DSG4: variants seen among roughly 807,000 people sequenced by gnomAD.
DSG4 encodes the protein desmoglein 4, also known as desmoglein-4.
DSG4 carries 87 observed loss-of-function variants against 93.1 expected under a neutral mutation model. The observed-to-expected ratio is 0.93, with a 90% CI of 0.79 to 1.12. DSG4 has a LOEUF of 1.12. Among genes scored for constraint, DSG4 ranks in the 50% most tolerant of loss-of-function variants. DSG4 has a pLI of 0.00. For missense variants in DSG4, 1,373 were observed against 1,285.7 expected, an observed-to-expected ratio of 1.07 and a Z score of -1.04; for synonymous variants, 432 against 452.9, an observed-to-expected ratio of 0.95 and a Z score of 0.59.
At chr18:31,396,129 G>GTA (rs745869468) in intron 8 of DSG4, among the ~76,000 whole-genome samples, 37 of 151,076 alleles carry the variant, frequency 2.4e-4, no homozygotes, top group Admixed American at 9.2e-4. Flanking sequence ...AAGTGTGTGT[G>GTA]TATATATATA....
In DSG4 at chr18:31,392,280, G is replaced by T; in HGVS notation, c.945G>T (p.Gly315=). Residue 315 remains glycine (G), a synonymous_variant, in exon 8 of 16, where the codon GGG becomes GGT. Transcript: ENST00000308128. The stretch of plus-strand genomic sequence containing the variant: ...ATTTAATTCTCTCTGGAAATGATGG[G>T]AATTGGTTCGATATTCAAACAGATC... ...AQYLILSGND[G]NWFDIQTDPQ... is the part of the protein sequence containing the mutation. The T allele has an allele frequency of 6.2e-7, 1 of 1,613,710 alleles. No individual in the cohort carries two copies. Among genetic ancestry groups the T allele is most frequent in the Non-Finnish European group, 8.5e-7 (1 of 1,179,832 alleles).
At chr18:31,409,427 T>C (rs1228791498) in intron 12 of DSG4, 25 bp from the exon 13 acceptor site, 2 of 1,613,846 alleles carry the variant, frequency 1.2e-6, no homozygotes, top group Admixed American at 1.7e-5. Flanking sequence ...GTGTGTTAAC[T>C]CGACATTGTC....
At chr18:31,385,869 A>C (rs2072181408) in intron 2 of DSG4, among the ~76,000 whole-genome samples, 1 of 152,090 alleles carries the variant, frequency 6.6e-6, no homozygotes, top group Non-Finnish European at 1.5e-5. Flanking sequence ...AGCCTAAGTA[A>C]ACTTATAATC....
chr18:31,411,378 C>A lies in DSG4; in HGVS notation c.2285C>A (p.Thr762Asn). The A allele has an allele frequency of 4.3e-6, 7 of 1,614,090 alleles. No individual in the cohort carries two copies. Among genetic ancestry groups the A allele is most frequent in the Admixed American group, 1.7e-5 (1 of 60,008 alleles). The stretch of plus-strand genomic sequence containing the variant: ...GGGGCCGCAAGGAAGAGGAGCTCTA[C>A]CATGGGAACCCTGCGGGACTACGCT... ...ASGAARKRSS[T>N]MGTLRDYADA... is the part of the protein sequence containing the mutation. The change falls in exon 15 of 16, where the codon ACC (threonine) becomes AAC (asparagine). Residue 762 changes from threonine (T) to asparagine (N), a missense_variant. Transcript: ENST00000308128.
rs2144224653 is a variant in DSG4 at position 31,413,399 on chromosome 18, A to G, written c.2927A>G (p.Asp976Gly). The G allele has an allele frequency of 6.2e-7, 1 of 1,613,972 alleles. No individual in the cohort carries two copies. Among genetic ancestry groups the G allele is most frequent in the African/African-American group, 1.3e-5 (1 of 74,944 alleles). Residue 976 changes from aspartate (D) to glycine (G), a missense_variant, in exon 16 of 16, where the codon GAC (aspartate) becomes GGC (glycine). Asp to Gly is a moderately conservative substitution (Grantham distance 94). Transcript: ENST00000308128. ...ERVLASPGVPDMSNSSTTEGC... is the reference protein window; with the variant it reads ...ERVLASPGVPGMSNSSTTEGC... The stretch of plus-strand genomic sequence containing the variant: ...GTACTGGCTAGTCCTGGTGTGCCTG[A>G]CATGAGCAATAGTAGCACGACTGAG...
At chr18:31,408,057 T>C (rs1053024169) in intron 12 of DSG4, among the ~76,000 whole-genome samples, 1 of 152,170 alleles carries the variant, frequency 6.6e-6, no homozygotes, top group Non-Finnish European at 1.5e-5. Context: ...GTTCAACTGA[T>C]GGATTGTAGA....
intron 12 of DSG4, among the ~76,000 whole-genome samples, chr18:31,406,646 G>T (rs1246213147): frequency 6.6e-6 from 1 of 152,112 alleles, no homozygotes; most frequent in Non-Finnish European, 1.5e-5. Context: ...ATCCCATCAT[G>T]GAAATTTCCT....
intron 8 of DSG4, among the ~76,000 whole-genome samples, chr18:31,396,965 G>A (rs1250129427): frequency 6.6e-6 from 1 of 152,114 alleles, no homozygotes; most frequent in Non-Finnish European, 1.5e-5. Context: ...CCTGGAAACA[G>A]AACATACACA....
In DSG4 at chr18:31,406,066, T is replaced by C. The variant is rs759092317; in HGVS notation, c.1637-11T>C. 2.5e-5 allele frequency: 40 copies of C among 1,613,814 alleles called. No homozygotes were observed. Among genetic ancestry groups the C allele is most frequent in the Non-Finnish European group, 3.4e-5 (40 of 1,180,024 alleles). ...TTCCATTTATTTTCTGTTTCCTCTC[T>C]TCCATTTCAGCTACCTCGGCAATCC... On this transcript the variant is annotated splice_polypyrimidine_tract_variant and intron_variant, in intron 11 of 15. Transcript: ENST00000308128.
intron 14 of DSG4, among the ~76,000 whole-genome samples, chr18:31,410,543 C>T (rs984856779): frequency 6.6e-6 from 1 of 151,788 alleles, no homozygotes; most frequent in Non-Finnish European, 1.5e-5. Flanking sequence ...AAAGAAAAGG[C>T]AGTAAATGTA....
chr18:31,391,844 A>G (rs1349151051), intron 7 of DSG4, among the ~76,000 whole-genome samples: 2 of 152,118 alleles, frequency 1.3e-5, no homozygotes, highest in Non-Finnish European at 2.9e-5. Flanking sequence ...ACAGAAAAAA[A>G]TCTGGTCCTC....
At chr18:31,405,930 T>TA (rs1008236177) in intron 11 of DSG4, 147 bp from the exon 12 acceptor site, 197 of 616,560 alleles carry the variant, frequency 3.2e-4, no homozygotes, top group Middle Eastern at 1.4e-3. Context: ...AAATAAATGT[T>TA]AAAAAAAAGT....
intron 1 of DSG4, among the ~76,000 whole-genome samples, chr18:31,383,380 A>G (rs1257487981): frequency 6.6e-6 from 1 of 152,190 alleles, no homozygotes; most frequent in African/African-American, 2.4e-5. Flanking sequence ...TACACTTGAT[A>G]TCGGCTTAAT....
At chr18:31,384,840 T>A (rs1048137332) in intron 1 of DSG4, among the ~76,000 whole-genome samples, 2 of 152,136 alleles carry the variant, frequency 1.3e-5, no homozygotes, top group Non-Finnish European at 2.9e-5. Context: ...CCTACTCTCC[T>A]AGGAAGTCCT....
rs201719326 is a variant in DSG4 at position 31,399,384 on chromosome 18, G to A, written c.1118G>A (p.Arg373Lys). The A allele has an allele frequency of 1.9e-4, 302 of 1,614,000 alleles. No individual in the cohort carries two copies. The highest frequency in any genetic ancestry group is 2.5e-4 in the Non-Finnish European group (290 of 1,179,996). Reference sequence around the variant, plus strand: ...TTCCAAATGCACCCAACCCCTGTGAGAATTCAAGTTGTTGATGTGAGAGAA... The same window carrying A: ...TTCCAAATGCACCCAACCCCTGTGAAAATTCAAGTTGTTGATGTGAGAGAA... ...SQFQMHPTPV[R>K]IQVVDVREGP... is the part of the protein sequence containing the mutation. Residue 373 changes from arginine (R) to lysine (K), a missense_variant, in exon 9 of 16, where the codon AGA becomes AAA. Physicochemically the swap from Arg to Lys is conservative, Grantham distance 26. Coordinates refer to ENST00000308128, the MANE Select transcript of DSG4 (RefSeq NM_177986.5).
At chr18:31,411,706 A>G (rs897783162) in intron 15 of DSG4, among the ~76,000 whole-genome samples, 1 of 151,630 alleles carries the variant, frequency 6.6e-6, no homozygotes, top group Non-Finnish European at 1.5e-5. Context: ...TCCCTTTTCC[A>G]TTTTTCTATC....
intron 8 of DSG4, among the ~76,000 whole-genome samples, chr18:31,393,012 A>G (rs1190130537): frequency 6.6e-6 from 1 of 152,190 alleles, no homozygotes; most frequent in Non-Finnish European, 1.5e-5. Context: ...TTTTTCTTTA[A>G]TTACTTGCTT....
Position 31,376,963 on chromosome 18 carries a change from A to G in DSG4, c.48+4A>G, listed in dbSNP as rs2072084205. 1.9e-6 allele frequency: 3 copies of G among 1,613,106 alleles called. No homozygotes were observed. In the Admixed American group the frequency reaches 5.0e-5, roughly 27 times the overall value. ...TTGCCTTTTGATCATTCTAATGGTA[A>G]GTAGAATTTAAAGAGGTGGGAAGGA... On this transcript the variant is annotated splice_donor_region_variant and intron_variant, in intron 1 of 15. Transcript: ENST00000308128.
At chr18:31,393,723 A>T (rs1404191209) in intron 8 of DSG4, among the ~76,000 whole-genome samples, 10 of 152,156 alleles carry the variant, frequency 6.6e-5, no homozygotes, top group Admixed American at 6.6e-4. Context: ...TTCAGATAGC[A>T]TATTAGGAAG....
Sources: gnomAD v4.1 joint callset for allele counts (sites outside exome capture counted in the v4.1 genomes callset) on GRCh38, gnomAD v4.1.1 for gene constraint, MANE v1.5 for transcripts, NCBI Gene and HGNC (gene_info 2026-07-23, HGNC 2026-07-21) for gene names.